AP3B2: variants seen among roughly 807,000 people sequenced by gnomAD.
AP3B2 encodes the protein adaptor related protein complex 3 subunit beta 2.
AP3B2 carries 50 observed loss-of-function variants against 126.9 expected under a neutral mutation model. The observed-to-expected ratio is 0.39, with a 90% CI of 0.31 to 0.50. The LOEUF (loss-of-function observed/expected upper bound fraction) is 0.50, where lower values mean the gene tolerates loss of function less well. Among genes scored for constraint, AP3B2 ranks in the 20% least tolerant of loss-of-function variants. AP3B2 has a pLI of 0.79. For synonymous variants in AP3B2, 541 were observed against 565.0 expected, an observed-to-expected ratio of 0.96 and a Z score of 0.60; for missense variants, 1,177 against 1,426.4, an observed-to-expected ratio of 0.83 and a Z score of 2.82.
At chr15:82,693,871 T>C (rs1286197407) in intron 1 of AP3B2, among the ~76,000 whole-genome samples, 1 of 151,720 alleles carries the variant, frequency 6.6e-6, no homozygotes, top group African/African-American at 2.4e-5. Flanking sequence ...CAGCTAATTT[T>C]TGTATTTTTA....
At position 82,664,488 on chromosome 15, in the gene AP3B2, G is replaced by A; in HGVS notation, c.2140C>T (p.Pro714Ser). The A allele has an allele frequency of 6.2e-7, 1 of 1,612,574 alleles. No individual in the cohort carries two copies. Among genetic ancestry groups the A allele is most frequent in the Non-Finnish European group, 8.5e-7 (1 of 1,179,322 alleles). Residue 714 changes from proline (P) to serine (S), a missense_variant and splice_region_variant, in exon 19 of 27, where the codon CCT becomes TCT. Around this residue, in one of 5 missense-constraint regions of AP3B2, gnomAD observed 587 missense variants for 571.3 expected, o/e 1.03. Transcript: ENST00000535359. This position sits in a 1 kb window ranked among gnomAD's most constrained non-coding sequence, Gnocchi z 4.5. ...CTGTCCGATTCACTCTCAGACTCAG[G>A]GTCTGTGGAGGAACAATATGAGGCC... The part of the protein sequence containing the change: ...SGPTESADSD[P>S]ESESESDSKS...
chr15:82,702,757 T>A (rs891188916), intron 1 of AP3B2, among the ~76,000 whole-genome samples: 1 of 152,170 alleles, frequency 6.6e-6, no homozygotes, highest in Non-Finnish European at 1.5e-5. Context: ...GGTGGTCTCT[T>A]CACATGGACG....
intron 1 of AP3B2, chr15:82,692,574 T>C (rs956466500): frequency 1.2e-5 from 2 of 171,394 alleles, no homozygotes; most frequent in African/African-American, 2.4e-5. Flanking sequence ...AAAGGACTAG[T>C]TGGATGGATA....
chr15:82,659,690 G>A lies in AP3B2; in HGVS notation c.3176C>T (p.Thr1059Ile), dbSNP rs1273560265. The change falls in exon 27 of 27, where the codon ACT (threonine) becomes ATT (isoleucine). Residue 1059 changes from threonine to isoleucine, a missense_variant. Transcript: ENST00000535359. The stretch of plus-strand genomic sequence containing the variant: ...GGTCAGCAGAACGAGGCTTCCACCA[G>A]TCAGTGTCCTCCCTGCAAACCTGAG... ...DEYRFAGRTL[T>I]GGSLVLLTLD... 6 of 1,613,888 alleles carry A rather than the reference G, an allele frequency of 3.7e-6. No individual in the cohort carries two copies. The East Asian group carries it at 1.3e-4, about 36-fold the overall frequency.
intron 1 of AP3B2, among the ~76,000 whole-genome samples, chr15:82,707,917 C>T (rs1234237275): frequency 6.6e-6 from 1 of 152,216 alleles, no homozygotes; most frequent in East Asian, 1.9e-4. Flanking sequence ...CCCTTCAAGG[C>T]TATGGAGAAG....
intron 24 of AP3B2, 118 bp downstream of exon 24, chr15:82,662,050 T>A: frequency 4.6e-6 from 6 of 1,312,194 alleles, no homozygotes; most frequent in Non-Finnish European, 6.4e-6. Flanking sequence ...CTGAGATGGC[T>A]TCCAGACCCA....
chr15:82,666,626 G>A (rs2048063924), intron 15 of AP3B2, 121 bp downstream of exon 15: 2 of 1,106,562 alleles, frequency 1.8e-6, no homozygotes, highest in Non-Finnish European at 2.6e-6. Context: ...GTGAGCCAGG[G>A]AGCAGGACTG....
intron 1 of AP3B2, among the ~76,000 whole-genome samples, chr15:82,702,022 C>T (rs1435370163): frequency 6.6e-6 from 1 of 152,148 alleles, no homozygotes; most frequent in Non-Finnish European, 1.5e-5. Flanking sequence ...TCTTGGGTAC[C>T]TTGAAACACT....
At chr15:82,709,012 A>G (rs980343957) in intron 1 of AP3B2, among the ~76,000 whole-genome samples, 4 of 151,488 alleles carry the variant, frequency 2.6e-5, no homozygotes, top group Non-Finnish European at 4.4e-5. Flanking sequence ...ATGAAGAAAC[A>G]AACGAACGAA....
In AP3B2 at chr15:82,680,304, G is replaced by A. The variant is rs2048313750; in HGVS notation, c.1056-75C>T. ...GGTCAGCGGATGAGGGGAAAAGGTG[G>A]GGCAAGTCGTTGCGGGGAGAGGACC... On this transcript the variant is annotated intron_variant, in intron 8 of 26. Transcript: ENST00000535359. This position sits in a 1 kb window ranked among gnomAD's most constrained non-coding sequence, Gnocchi z 6.1. 4 of 1,601,074 alleles carry A rather than the reference G, an allele frequency of 2.5e-6. No individual in the cohort carries two copies. Among genetic ancestry groups the A allele is most frequent in the Non-Finnish European group, 3.4e-6 (4 of 1,172,846 alleles).
In AP3B2 at chr15:82,659,888, C is replaced by T. The variant is rs2047907663; in HGVS notation, c.3112G>A (p.Ala1038Thr). Residue 1038 changes from alanine (A) to threonine (T), a missense_variant, in exon 26 of 27, where the codon GCC becomes ACC. Ala to Thr is a moderately conservative substitution (Grantham distance 58, BLOSUM62 0). This residue lies in a region of AP3B2 where 587 missense variants were observed against 571.3 expected (regional missense o/e 1.03). Coordinates refer to ENST00000535359, the MANE Select transcript of AP3B2 (RefSeq NM_001278512.2). ...HIVVQKVTATANLGRVPCGTS... is the reference protein window; with the variant it reads ...HIVVQKVTATTNLGRVPCGTS... ...CCACAAGGAACACGACCCAGGTTGG[C>T]AGTGGCAGTCACTTTCTGCACCACA... 1 of 1,613,986 alleles carries T rather than the reference C, an allele frequency of 6.2e-7. No homozygotes were observed. Among genetic ancestry groups the T allele is most frequent in the Non-Finnish European group, 8.5e-7 (1 of 1,179,886 alleles).
At position 82,662,396 on chromosome 15, in the gene AP3B2, C is replaced by T. The variant is rs914543412; in HGVS notation, c.2834-144G>A. The T allele has an allele frequency of 7.0e-6, 5 of 718,924 alleles. No homozygotes were observed. The African/African-American group carries it at 7.1e-5, about 10-fold the overall frequency. 44.5% of individuals were successfully genotyped at this position (718,924 alleles called of 1,614,324 possible). ...TCTTGGCTTTCTTGGCTGCTGGAGACTGTTCCCGGTTTCCTCCTGAACTCT... is the reference window on the plus strand; with the variant it reads ...TCTTGGCTTTCTTGGCTGCTGGAGATTGTTCCCGGTTTCCTCCTGAACTCT... On this transcript the variant is annotated intron_variant, in intron 23 of 26. Transcript: ENST00000535359.
chr15:82,662,725 A>G lies in AP3B2; in HGVS notation c.2802T>C (p.Ala934=). The change falls in exon 23 of 27, where the codon GCT becomes GCC. Residue 934 remains alanine (A), a synonymous_variant. Transcript: ENST00000535359. The part of the protein sequence containing the change: ...GLHVGTPKLP[A]GISIQEFPEI... The stretch of plus-strand genomic sequence containing the variant: ...CGGGAAATTCTTGGATGCTGATGCC[A>G]GCAGGCAGTTTGGGAGTGCCCACAT... 1 of 1,613,790 alleles carries G rather than the reference A, an allele frequency of 6.2e-7. No homozygotes were observed. The highest frequency in any genetic ancestry group is 8.5e-7 in the Non-Finnish European group (1 of 1,179,782).
intron 1 of AP3B2, among the ~76,000 whole-genome samples, chr15:82,700,407 T>TTTTTTTTTTTTTTTTTTC: frequency 8.7e-6 from 1 of 114,342 alleles, no homozygotes; most frequent in Admixed American, 9.1e-5. Context: ...CTTTTTTTTT[T>TTTTTTTTTTTTTTTTTTC]TTTTTTTTCA....
chr15:82,663,020 C>T, intron 22 of AP3B2, 98 bp from the exon 23 acceptor site: 3 of 1,492,902 alleles, frequency 2.0e-6, no homozygotes, highest in Non-Finnish European at 2.7e-6. Context: ...GGACTCAAAG[C>T]TATCACATCC....
At chr15:82,709,428 C>G (rs916569849) in intron 1 of AP3B2, among the ~76,000 whole-genome samples, 166 bp downstream of exon 1, 2 of 150,754 alleles carry the variant, frequency 1.3e-5, no homozygotes, top group Admixed American at 6.6e-5. Flanking sequence ...CAGCGCTGCC[C>G]GCGCTGGGCC....
rs936255194 is a variant in AP3B2 at position 82,664,836 on chromosome 15, ACT to A, written c.2134_2135del (p.Ser712Ter). On this transcript the variant is annotated frameshift_variant and splice_region_variant, in exon 18 of 27. Coordinates refer to ENST00000535359, the MANE Select transcript of AP3B2 (RefSeq NM_001278512.2). LOFTEE classifies it high-confidence loss of function. The surrounding 1 kb of genome is among the most constrained non-coding windows in gnomAD (Gnocchi z 4.5). Reference sequence around the variant, plus strand: ...ACCCCAGCTCTGCCATCTGCTCACCACTGTCTGCGGACTCCGTGGGGCCTGAC... The same window carrying A: ...ACCCCAGCTCTGCCATCTGCTCACCAGTCTGCGGACTCCGTGGGGCCTGAC... ...GESGPTESAD[S>X]DPESESESDS... The A allele has an allele frequency of 1.3e-6, 2 of 1,588,506 alleles. No individual in the cohort carries two copies. The highest frequency in any genetic ancestry group is 1.7e-6 in the Non-Finnish European group (2 of 1,166,160).
In AP3B2 at chr15:82,676,643, G is replaced by A. The variant is rs1485151885; in HGVS notation, c.1489-6C>T. 3 of 1,613,340 alleles carry A rather than the reference G, an allele frequency of 1.9e-6. No homozygotes were observed. The highest frequency in any genetic ancestry group is 1.3e-5 in the African/African-American group (1 of 74,908). On this transcript the variant is annotated splice_polypyrimidine_tract_variant and splice_region_variant and intron_variant, in intron 13 of 26. Coordinates refer to ENST00000535359, the MANE Select transcript of AP3B2 (RefSeq NM_001278512.2). ...CTGGCTCGGGCCATGGGCACCTGTG[G>A]TTGTGGGAGAGGAGTGAAGATGGGT...
In AP3B2 at chr15:82,689,091, C is replaced by T. The variant is rs889828284; in HGVS notation, c.264+67G>A. 22 of 1,563,888 alleles carry T rather than the reference C, an allele frequency of 1.4e-5. No individual in the cohort carries two copies. The Middle Eastern group carries it at 6.7e-4, about 47-fold the overall frequency. On this transcript the variant is annotated intron_variant, in intron 3 of 26. Transcript: ENST00000535359. The stretch of plus-strand genomic sequence containing the variant: ...CCAGGGGCTAAATCATTTCCTTCCT[C>T]ACCCCAAGCTTGAGTGTGGTCCTGG...
Sources: gnomAD v4.1 joint callset for allele counts (sites outside exome capture counted in the v4.1 genomes callset) on GRCh38, gnomAD v4.1.1 for gene constraint, gnomAD v4.1.1 regional missense constraint, Gnocchi (gnomAD v3.1) non-coding constraint, MANE v1.5 for transcripts, NCBI Gene and HGNC (gene_info 2026-07-23, HGNC 2026-07-21) for gene names.